Variants in VWA8 observed in about 807,000 individuals in gnomAD.
VWA8 encodes the protein von Willebrand factor A domain-containing protein 8.
In VWA8, 221 loss-of-function variants were observed where a neutral mutation model predicts 241.5. The observed-to-expected ratio is 0.91, with a 90% CI of 0.82 to 1.02. The LOEUF (loss-of-function observed/expected upper bound fraction) is 1.02, where lower values mean the gene tolerates loss of function less well. Ranked by LOEUF, VWA8 falls within the 50% of genes least tolerant of loss-of-function variation. VWA8 has a pLI of 0.00. For synonymous variants in VWA8, 852 were observed against 827.1 expected (o/e 1.03, Z -0.52); for missense variants, 2,322 against 2,328.7 (o/e 1.00, Z 0.06).
intron 21 of VWA8, among the ~76,000 whole-genome samples, chr13:41,742,580 C>T (rs758495082): frequency 7.9e-5 from 12 of 152,164 alleles, no homozygotes; most frequent in Non-Finnish European, 1.6e-4. Context: ...CTTAAAAACA[C>T]TCTTGGATTT....
At chr13:41,570,167 G>T (rs964895227) in intron 44 of VWA8, among the ~76,000 whole-genome samples, 1 of 152,098 alleles carries the variant, frequency 6.6e-6, no homozygotes, top group African/African-American at 2.4e-5. Flanking sequence ...TTGACATAAA[G>T]TGCCAAATGT....
At chr13:41,601,397 AG>A (rs763666914) in intron 40 of VWA8, among the ~76,000 whole-genome samples, 5 of 152,140 alleles carry the variant, frequency 3.3e-5, no homozygotes, top group Admixed American at 6.6e-5. Context: ...TCTGAACAAA[AG>A]CTTATTTTGA....
intron 2 of VWA8, among the ~76,000 whole-genome samples, chr13:41,922,094 C>T (rs192282805): frequency 9.9e-5 from 15 of 152,248 alleles, no homozygotes; most frequent in African/African-American, 3.6e-4. Context: ...AGATATAGAT[C>T]AATGGAACAG....
intron 21 of VWA8, among the ~76,000 whole-genome samples, chr13:41,758,785 A>C (rs2045718450): frequency 6.6e-6 from 1 of 151,256 alleles, no homozygotes; most frequent in African/African-American, 2.4e-5. Flanking sequence ...TCATTTTTAA[A>C]TATGAAGTTT....
intron 29 of VWA8, 111 bp downstream of exon 29, chr13:41,698,960 G>A: frequency 1.4e-6 from 2 of 1,452,296 alleles, no homozygotes; most frequent in Non-Finnish European, 1.9e-6. Context: ...CATCCCTCCA[G>A]CTCCTCTCCT....
chr13:41,949,946 T>C lies in VWA8; in HGVS notation c.231A>G (p.Pro77=). 6.3e-7 allele frequency: 1 copy of C among 1,583,750 alleles called. No homozygotes were observed. Residue 77 remains proline (P), a synonymous_variant, in exon 2 of 45, where the codon CCA becomes CCG. Transcript: ENST00000379310. The part of the protein sequence containing the change: ...LKIPKNPELV[P]QNYISDSLAQ... The stretch of plus-strand genomic sequence containing the variant: ...ATAAATATTTCTTACTGTAGTTCTG[T>C]GGCACAAGTTCTGGATTCTTAGGAA...
intron 38 of VWA8, 66 bp downstream of exon 38, chr13:41,614,910 G>A: frequency 6.7e-7 from 1 of 1,500,262 alleles, no homozygotes; most frequent in Non-Finnish European, 9.3e-7. Context: ...CAGGGGCGAT[G>A]TGCTGGCCTA....
chr13:41,637,768 A>C (rs1213120577), intron 37 of VWA8, among the ~76,000 whole-genome samples: 1 of 152,120 alleles, frequency 6.6e-6, no homozygotes, highest in Non-Finnish European at 1.5e-5. Flanking sequence ...CTTCCCCCAC[A>C]ATCATGCCAT....
chr13:41,682,643 T>C (rs1458733008), intron 35 of VWA8, among the ~76,000 whole-genome samples: 4 of 152,080 alleles, frequency 2.6e-5, no homozygotes, highest in African/African-American at 9.7e-5. Flanking sequence ...AGCTACTCAG[T>C]AGCCTGAGTT....
chr13:41,851,036 G>T (rs1045250702), intron 12 of VWA8, among the ~76,000 whole-genome samples: 1 of 152,160 alleles, frequency 6.6e-6, no homozygotes, highest in Non-Finnish European at 1.5e-5. Flanking sequence ...AACATTTCAG[G>T]TCTACTGTCT....
chr13:41,691,862 T>C lies in VWA8; in HGVS notation c.3740+12A>G. The C allele has an allele frequency of 9.4e-6, 15 of 1,593,498 alleles. No homozygotes were observed. The highest frequency in any genetic ancestry group is 1.3e-5 in the Non-Finnish European group (15 of 1,162,400). ...GAACTCCAGTTTAAATCCTCTATAA[T>C]AAAGAGCTCACCCTTTTTCTTTGTA... On this transcript the variant is annotated intron_variant, in intron 31 of 44. Coordinates refer to ENST00000379310, the MANE Select transcript of VWA8 (RefSeq NM_015058.2).
chr13:41,688,634 C>A (rs185830700), intron 34 of VWA8, among the ~76,000 whole-genome samples: 222 of 152,154 alleles, frequency 1.5e-3, no homozygotes, highest in African/African-American at 5.1e-3. Context: ...TAAATCAGAG[C>A]AAAACTCAAT....
At chr13:41,699,339 G>GA in intron 28 of VWA8, 69 bp from the exon 29 acceptor site, 1 of 1,453,656 alleles carries the variant, frequency 6.9e-7, no homozygotes. Flanking sequence ...GAGGTCTAGT[G>GA]AAAACTGAAT....
chr13:41,906,478 AT>A (rs1186661191), intron 4 of VWA8, among the ~76,000 whole-genome samples: 5 of 152,156 alleles, frequency 3.3e-5, no homozygotes, highest in South Asian at 4.1e-4. Flanking sequence ...TTATAAATTT[AT>A]TTTTTTCACT....
chr13:41,793,688 C>T (rs1460514913), intron 17 of VWA8, among the ~76,000 whole-genome samples: 1 of 152,192 alleles, frequency 6.6e-6, no homozygotes, highest in African/African-American at 2.4e-5. Context: ...TGGTGGTGCA[C>T]GCCTGTAGCT....
At chr13:41,625,339 A>G (rs994104359) in intron 37 of VWA8, among the ~76,000 whole-genome samples, 7 of 152,188 alleles carry the variant, frequency 4.6e-5, no homozygotes, top group Non-Finnish European at 5.9e-5. Context: ...TCATCTGACA[A>G]AGGGCTAATA....
At chr13:41,910,560 G>A (rs1875942477) in intron 3 of VWA8, among the ~76,000 whole-genome samples, 1 of 151,396 alleles carries the variant, frequency 6.6e-6, no homozygotes, top group Non-Finnish European at 1.5e-5. Context: ...CTCCAGCCTG[G>A]GCGACAAAGT....
intron 14 of VWA8, 36 bp from the exon 15 acceptor site, chr13:41,819,422 T>C (rs780661363): frequency 2.5e-6 from 4 of 1,576,184 alleles, no homozygotes; most frequent in Middle Eastern, 1.7e-4. Context: ...AAATAACATA[T>C]CTTTCATGTA....
intron 28 of VWA8, among the ~76,000 whole-genome samples, chr13:41,700,061 G>A (rs1308767147): frequency 1.3e-5 from 2 of 152,112 alleles, no homozygotes. Context: ...AATCTCTTAT[G>A]TGGGCACCGC....
Sources: allele counts gnomAD v4.1 joint callset (sites outside exome capture counted in the v4.1 genomes callset), GRCh38; gene constraint gnomAD v4.1.1; transcripts MANE v1.5; gene names NCBI Gene and HGNC (gene_info 2026-07-23, HGNC 2026-07-21).